The following RCAN2 variants were observed in gnomAD, a reference collection of about 807,000 sequenced individuals.
RCAN2 encodes the protein regulator of calcineurin 2.
Under a neutral mutation model 23.6 loss-of-function variants are expected in RCAN2, and 9 were observed. The ratio of observed to expected loss-of-function variants is 0.38; its 90% CI spans 0.23 to 0.67. The LOEUF (loss-of-function observed/expected upper bound fraction) is 0.67, where lower values mean the gene tolerates loss of function less well. Ranked by LOEUF, RCAN2 falls within the 30% of genes least tolerant of loss-of-function variation. The pLI, the probability that RCAN2 is intolerant of heterozygous loss-of-function variation, is 0.51. For synonymous variants in RCAN2, 109 were observed against 115.7 expected (o/e 0.94, Z 0.37); for missense variants, 273 against 302.3 (o/e 0.90, Z 0.72).
chr6:46,433,392 ATTACT>A (rs1031412573), intron 2 of RCAN2, among the ~76,000 whole-genome samples: 2 of 152,218 alleles, frequency 1.3e-5, no homozygotes, highest in Admixed American at 1.3e-4. Flanking sequence ...CTGTGAATAC[ATTACT>A]TTACAAGGCA....
At position 46,451,140 on chromosome 6, in the gene RCAN2, G is replaced by A. The variant is rs111740952; in HGVS notation, c.225+5612C>T. ...TACATTGAATTGCTCACTTTATGGCGTTTCAGATTTCCATGATAAATTCAT... is the reference window on the plus strand; with the variant it reads ...TACATTGAATTGCTCACTTTATGGCATTTCAGATTTCCATGATAAATTCAT... On this transcript the variant is annotated intron_variant, in intron 2 of 4. Coordinates refer to ENST00000371374, the MANE Select transcript of RCAN2 (RefSeq NM_001251974.2). Among the ~76,000 whole-genome samples, 1,290 of 152,128 alleles carry A rather than the reference G, an allele frequency of 8.5e-3. 12 individuals are homozygous for A. The highest frequency in any genetic ancestry group is 0.029 in the African/African-American group (1,209 of 41,522).
intron 1 of RCAN2, among the ~76,000 whole-genome samples, chr6:46,487,119 C>T (rs1245455184): frequency 6.6e-6 from 1 of 152,188 alleles, no homozygotes; most frequent in Non-Finnish European, 1.5e-5. Flanking sequence ...ATTCTGTCCC[C>T]TCTCTATTCT....
chr6:46,357,939 G>T (rs1764892140), intron 2 of RCAN2, among the ~76,000 whole-genome samples: 1 of 152,118 alleles, frequency 6.6e-6, no homozygotes, highest in Admixed American at 6.5e-5. Context: ...TCCAGACGAG[G>T]TATTATCTTT....
intron 1 of RCAN2, among the ~76,000 whole-genome samples, chr6:46,478,350 C>G (rs1425552935): frequency 6.6e-6 from 1 of 152,114 alleles, no homozygotes; most frequent in Non-Finnish European, 1.5e-5. Flanking sequence ...ATAACAACAA[C>G]AAACACCTAT....
At chr6:46,485,331 A>G (rs887903086) in intron 1 of RCAN2, among the ~76,000 whole-genome samples, 7 of 152,250 alleles carry the variant, frequency 4.6e-5, no homozygotes, top group African/African-American at 1.7e-4. Flanking sequence ...AATGCACAGA[A>G]TGCAAAATTC....
intron 2 of RCAN2, among the ~76,000 whole-genome samples, chr6:46,407,337 A>G (rs541210891): frequency 2.0e-5 from 3 of 152,324 alleles, no homozygotes; most frequent in African/African-American, 7.2e-5. Flanking sequence ...CATCCTTTCT[A>G]TGCAGGCAGC....
At chr6:46,285,486 G>A (rs1415545471) in intron 2 of RCAN2, among the ~76,000 whole-genome samples, 1 of 152,178 alleles carries the variant, frequency 6.6e-6, no homozygotes, top group African/African-American at 2.4e-5. Flanking sequence ...GGTTCTAATC[G>A]AGGGGTTCTG....
chr6:46,318,918 T>G (rs927774443), intron 2 of RCAN2, among the ~76,000 whole-genome samples: 1 of 152,194 alleles, frequency 6.6e-6, no homozygotes, highest in African/African-American at 2.4e-5. Flanking sequence ...ACTTTGACAA[T>G]TAACTCTCCA....
At chr6:46,381,137 T>A (rs574692266) in intron 2 of RCAN2, among the ~76,000 whole-genome samples, 1 of 152,196 alleles carries the variant, frequency 6.6e-6, no homozygotes, top group African/African-American at 2.4e-5. Flanking sequence ...TATTTATAAG[T>A]GCATTTTCAT....
intron 1 of RCAN2, among the ~76,000 whole-genome samples, chr6:46,470,136 C>G (rs1261948097): frequency 6.6e-6 from 1 of 152,168 alleles, no homozygotes; most frequent in Non-Finnish European, 1.5e-5. Flanking sequence ...ACTAAAACAA[C>G]TTTAATGAAC....
chr6:46,491,209 G>C lies in RCAN2; in HGVS notation c.-39C>G, dbSNP rs1769135724. On this transcript the variant is annotated 5_prime_UTR_variant, in exon 1 of 5. Coordinates refer to ENST00000371374, the MANE Select transcript of RCAN2 (RefSeq NM_001251974.2). ...CCGCGATGCGCCGGCGGAGGCGGAG[G>C]CGGAGGCGGCGGCTGGGGCGTCTAC... The C allele has an allele frequency of 6.6e-6, 1 of 151,990 alleles. No homozygotes were observed. Among genetic ancestry groups the C allele is most frequent in the South Asian group, 1.9e-4 (1 of 5,338 alleles). 9.4% of individuals were successfully genotyped at this position (151,990 alleles called of 1,614,324 possible).
chr6:46,457,176 G>A (rs1768062816), intron 1 of RCAN2, among the ~76,000 whole-genome samples, 198 bp from the exon 2 acceptor site: 1 of 152,148 alleles, frequency 6.6e-6, no homozygotes, highest in Non-Finnish European at 1.5e-5. Context: ...ATACAGCTCT[G>A]CTCTGGGGCA....
intron 2 of RCAN2, among the ~76,000 whole-genome samples, chr6:46,334,841 C>T (rs958944044): frequency 6.6e-6 from 1 of 152,150 alleles, no homozygotes; most frequent in Non-Finnish European, 1.5e-5. Flanking sequence ...CTCCCCGGGT[C>T]CAAGAGTTTT....
chr6:46,339,586 T>C (rs1387011693), intron 2 of RCAN2, among the ~76,000 whole-genome samples: 2 of 152,144 alleles, frequency 1.3e-5, no homozygotes, highest in African/African-American at 2.4e-5. Flanking sequence ...TGGCTTGACA[T>C]GAACAGCTTT....
chr6:46,485,139 A>G (rs934333938), intron 1 of RCAN2, among the ~76,000 whole-genome samples: 11 of 152,352 alleles, frequency 7.2e-5, no homozygotes, highest in Admixed American at 7.2e-4. Flanking sequence ...GTGCTCAAAG[A>G]TGTTTATCAA....
At chr6:46,280,064 C>T (rs1033848633) in intron 2 of RCAN2, among the ~76,000 whole-genome samples, 15 of 152,140 alleles carry the variant, frequency 9.9e-5, no homozygotes, top group African/African-American at 3.6e-4. Context: ...GAACTAGGAA[C>T]AGAATCCATG....
chr6:46,234,671 G>C (rs1039391132), intron 4 of RCAN2, among the ~76,000 whole-genome samples: 1 of 152,312 alleles, frequency 6.6e-6, no homozygotes, highest in East Asian at 1.9e-4. Flanking sequence ...CATTGGTCAG[G>C]GTTTTCTACC....
chr6:46,228,854 C>T (rs1187212821), intron 4 of RCAN2, among the ~76,000 whole-genome samples: 1 of 152,200 alleles, frequency 6.6e-6, no homozygotes, highest in Admixed American at 6.5e-5. Flanking sequence ...GATGCAGTTT[C>T]TTCCTAGCAT....
rs570804312 is a variant in RCAN2, at chr6:46,442,342, G to A, written c.225+14410C>T. Among the ~76,000 whole-genome samples, 17 of 152,262 alleles carry A rather than the reference G, an allele frequency of 1.1e-4. No homozygotes were observed. In the South Asian group the frequency reaches 3.1e-3, roughly 28 times the overall value. The stretch of plus-strand genomic sequence containing the variant: ...TTGTGTCTTTGTGTACTTCTCAGGG[G>A]CTCCTGGCCCAGGAAGTGAGTGGCA... On this transcript the variant is annotated intron_variant, in intron 2 of 4. Transcript: ENST00000371374.
Sources: gnomAD v4.1 joint callset for allele counts (sites outside exome capture counted in the v4.1 genomes callset) on GRCh38, gnomAD v4.1.1 for gene constraint, MANE v1.5 for transcripts, NCBI Gene and HGNC (gene_info 2026-07-23, HGNC 2026-07-21) for gene names.